Variants in ABCG5 observed in about 807,000 individuals in gnomAD.
ABCG5 encodes ATP binding cassette subfamily G member 5.
A neutral mutation model predicts 64.5 loss-of-function variants in ABCG5; 64 were observed. The ratio of observed to expected loss-of-function variants is 0.99; its 90% CI spans 0.81 to 1.22. The LOEUF is 1.22. Ranked by LOEUF, ABCG5 falls within the 50% of genes most tolerant of loss-of-function variation. ABCG5 has a pLI of 0.00. For missense variants in ABCG5, 908 were observed against 829.5 expected, an observed-to-expected ratio of 1.09 and a Z score of -1.16; for synonymous variants, 385 against 326.3, an observed-to-expected ratio of 1.18 and a Z score of -1.94.
chr2:43,824,374 T>G lies in ABCG5; in HGVS notation c.963A>C (p.Arg321Ser), dbSNP rs1667456050. The G allele has an allele frequency of 6.2e-7, 1 of 1,614,214 alleles. No homozygotes were observed. The highest frequency in any genetic ancestry group is 8.5e-7 in the Non-Finnish European group (1 of 1,180,034). Residue 321 changes from arginine (R) to serine (S), a missense_variant, in exon 8 of 13, where the codon AGA becomes AGC. By Grantham distance (110) the Arg-to-Ser change is moderately radical. Transcript: ENST00000405322. ...TGTAGGCAGATTCTATCATCTGGAC[T>G]CTCTTGGAGGTTTCTATTTCCCGTT... ...SKEREIETSK[R>S]VQMIESAYKK...
At chr2:43,815,540 T>G (rs1444765591) in intron 11 of ABCG5, among the ~76,000 whole-genome samples, 2 of 152,224 alleles carry the variant, frequency 1.3e-5, no homozygotes, top group Admixed American at 6.5e-5. Flanking sequence ...AACCTTTCAG[T>G]TTCCTAAGGC....
In ABCG5 at chr2:43,824,001, T is replaced by C. The variant is rs761429153; in HGVS notation, c.1236A>G (p.Leu412=). 8.1e-6 allele frequency: 13 copies of C among 1,614,046 alleles called. No individual in the cohort carries two copies. The highest frequency in any genetic ancestry group is 1.3e-5 in the African/African-American group (1 of 74,916). ...CTACGCGGTCCTGGATAGCACCCTT[T>C]AGCACATTGCTTCGGACCCGCAGAA... is the stretch of plus-strand genomic sequence containing the variant. ...FFVLRVRSNV[L]KGAIQDRVGL... Residue 412 remains leucine (L), a synonymous_variant, in exon 9 of 13, where the codon CTA becomes CTG. Transcript: ENST00000405322.
chr2:43,820,164 T>G, intron 10 of ABCG5, 64 bp from the exon 11 acceptor site: 4 of 1,538,478 alleles, frequency 2.6e-6, no homozygotes, highest in African/African-American at 1.4e-5. Flanking sequence ...AATACTGCAC[T>G]TGCCTCTGTG....
chr2:43,824,353 G>C lies in ABCG5; in HGVS notation c.984C>G (p.Ala328=), dbSNP rs1572768577. 7 of 1,614,084 alleles carry C rather than the reference G, an allele frequency of 4.3e-6. No homozygotes were observed. In the East Asian group the frequency reaches 1.6e-4, roughly 36 times the overall value. ...TSKRVQMIES[A]YKKSAICHKT... is the part of the protein sequence containing the mutation. ...TATGACAAATTGCTGATTTCTTGTA[G>C]GCAGATTCTATCATCTGGACTCTCT... Residue 328 remains alanine, a synonymous_variant, in exon 8 of 13, where the codon GCC becomes GCG. Coordinates refer to ENST00000405322, the MANE Select transcript of ABCG5 (RefSeq NM_022436.3).
intron 5 of ABCG5, 65 bp from the exon 6 acceptor site, chr2:43,826,586 A>T (rs1667620038): frequency 6.2e-7 from 1 of 1,610,132 alleles, no homozygotes; most frequent in Admixed American, 1.7e-5. Context: ...CTTAAAACTC[A>T]GAGTTCTGAA....
Position 43,828,592 on chromosome 2 carries a change from G to A in ABCG5, c.502-477C>T, listed in dbSNP as rs150196673. On this transcript the variant is annotated intron_variant, in intron 4 of 12. Coordinates refer to ENST00000405322, the MANE Select transcript of ABCG5 (RefSeq NM_022436.3). ...CAGGAGGATCGCTTGATCCCAGGAC[G>A]TTGAGACCACAGTTAGCCATGATGG... 1.3e-3 allele frequency: 438 copies of A among 327,420 alleles called. 7 individuals carry two copies. The Middle Eastern group carries it at 0.019, about 15-fold the overall frequency. 20.3% of individuals were successfully genotyped at this position (327,420 alleles called of 1,614,324 possible).
downstream of ABCG5, among the ~76,000 whole-genome samples, chr2:43,810,714 T>A (rs773476382): frequency 3.3e-4 from 50 of 152,202 alleles, no homozygotes; most frequent in Non-Finnish European, 1.5e-4. Flanking sequence ...TACGTATGGT[T>A]CTGACACCCT....
At position 43,838,823 on chromosome 2, in the gene ABCG5, C is replaced by T. The variant is rs371125073; in HGVS notation, c.-144G>A. The T allele has an allele frequency of 6.9e-7, 1 of 1,452,316 alleles. No individual in the cohort carries two copies. Among genetic ancestry groups the T allele is most frequent in the Non-Finnish European group, 9.4e-7 (1 of 1,064,342 alleles). The allele number at this position is 1,452,316 out of a possible 1,614,324, so 90.0% of individuals were successfully genotyped here. ...TGGGACAGCAGGACTGGGACTTGGCCACGGAGACCATTATCTGATGTACCT... is the reference window on the plus strand; with the variant it reads ...TGGGACAGCAGGACTGGGACTTGGCTACGGAGACCATTATCTGATGTACCT... On this transcript the variant is annotated 5_prime_UTR_variant, in exon 1 of 13. Transcript: ENST00000405322. The surrounding 1 kb of genome is among the most constrained non-coding windows in gnomAD (Gnocchi z 4.2).
At chr2:43,810,033 A>C, downstream of ABCG5, 2 of 883,340 alleles carry the variant, frequency 2.3e-6, no homozygotes, top group Non-Finnish European at 2.9e-6. Flanking sequence ...GTATATACTC[A>C]ATTCAGCATG....
In ABCG5 at chr2:43,826,437, C is replaced by T. The variant is rs555312841; in HGVS notation, c.719G>A (p.Arg240His). The change falls in exon 6 of 13, where the codon CGC becomes CAC. Residue 240 changes from arginine (R) to histidine (H), a missense_variant. By Grantham distance (29) the Arg-to-His change is conservative (BLOSUM62 0). Transcript: ENST00000405322. ...GGTGAGAACCACAATTCGGTTCCTG[C>T]GAGCCAGTTCCACCAGGAGGACGAC... ...QIVVLLVELA[R>H]RNRIVVLTIH... 44 of 1,614,062 alleles carry T rather than the reference C, an allele frequency of 2.7e-5. No individual in the cohort carries two copies. The highest frequency in any genetic ancestry group is 3.4e-5 in the Non-Finnish European group (40 of 1,180,022).
intron 4 of ABCG5, among the ~76,000 whole-genome samples, chr2:43,829,042 C>T (rs1667808378): frequency 6.6e-6 from 1 of 152,094 alleles, no homozygotes. Context: ...ACACTTGCTT[C>T]AGGAAAATTA....
intron 5 of ABCG5, 68 bp from the exon 6 acceptor site, chr2:43,826,589 G>C: frequency 6.2e-7 from 1 of 1,604,696 alleles, no homozygotes; most frequent in South Asian, 1.1e-5. Context: ...AAAACTCAGA[G>C]TTCTGAACTG....
At chr2:43,826,995 C>A (rs1364338397) in intron 5 of ABCG5, among the ~76,000 whole-genome samples, 1 of 152,182 alleles carries the variant, frequency 6.6e-6, no homozygotes, top group Non-Finnish European at 1.5e-5. Context: ...CATTTGGGTT[C>A]TTTAGAGGGT....
Position 43,838,817 on chromosome 2 carries a change from C to A in ABCG5, c.-138G>T, listed in dbSNP as rs2104901039. ...GTCCCTTGGGACAGCAGGACTGGGA[C>A]TTGGCCACGGAGACCATTATCTGAT... On this transcript the variant is annotated 5_prime_UTR_variant, in exon 1 of 13. Transcript: ENST00000405322. The surrounding 1 kb of genome is among the most constrained non-coding windows in gnomAD (Gnocchi z 4.2). 1.3e-6 allele frequency: 2 copies of A among 1,495,378 alleles called. No individual in the cohort carries two copies. Among genetic ancestry groups the A allele is most frequent in the African/African-American group, 1.4e-5 (1 of 72,008 alleles). 92.6% of individuals were successfully genotyped at this position (1,495,378 alleles called of 1,614,324 possible).
chr2:43,813,674 G>GT (rs1284706812), intron 12 of ABCG5, among the ~76,000 whole-genome samples: 3,054 of 20,234 alleles, frequency 0.15, 108 homozygotes, highest in Middle Eastern at 0.29. Context: ...TTTTTTGGTT[G>GT]TTTTTTTTTT....
intron 4 of ABCG5, among the ~76,000 whole-genome samples, chr2:43,829,379 G>C (rs1461135954): frequency 6.6e-6 from 1 of 152,058 alleles, no homozygotes; most frequent in Non-Finnish European, 1.5e-5. Flanking sequence ...ATTTCTTTAA[G>C]GACTTTAATG....
At chr2:43,837,611 A>G (rs923758845) in intron 2 of ABCG5, among the ~76,000 whole-genome samples, 1 of 152,118 alleles carries the variant, frequency 6.6e-6, no homozygotes, top group African/African-American at 2.4e-5. Flanking sequence ...GGCTTTTTAT[A>G]TTTTGAAATA....
chr2:43,810,557 A>T, downstream of ABCG5: 1 of 973,332 alleles, frequency 1.0e-6, no homozygotes, highest in South Asian at 4.8e-5. Flanking sequence ...AAAATGATTT[A>T]TTCTATGTTC....
intron 10 of ABCG5, 50 bp downstream of exon 10, chr2:43,822,747 T>A: frequency 6.2e-7 from 1 of 1,613,320 alleles, no homozygotes; most frequent in Non-Finnish European, 8.5e-7. Flanking sequence ...TCCCACTAGC[T>A]CCATGACTCC....
Sources: gnomAD v4.1 joint callset for allele counts (sites outside exome capture counted in the v4.1 genomes callset) on GRCh38, gnomAD v4.1.1 for gene constraint, Gnocchi (gnomAD v3.1) non-coding constraint, MANE v1.5 for transcripts, NCBI Gene and HGNC (gene_info 2026-07-23, HGNC 2026-07-21) for gene names.